Variants in CHD5 observed in about 807,000 individuals in gnomAD.
CHD5 encodes ATP-dependent chromatin remodeler CHD5.
CHD5 carries 69 observed loss-of-function variants against 230.3 expected under a neutral mutation model. The ratio of observed to expected loss-of-function variants is 0.30; its 90% CI spans 0.25 to 0.37. The LOEUF is 0.37. Ranked by LOEUF, CHD5 falls within the 10% of genes least tolerant of loss-of-function variation. The pLI, the probability that CHD5 is intolerant of heterozygous loss-of-function variation, is 1.00. For synonymous variants in CHD5, 1,064 were observed against 1,065.9 expected (o/e 1.00, Z 0.03); for missense variants, 1,827 against 2,622.8 (o/e 0.70, Z 6.63).
Position 6,146,371 on chromosome 1 carries a change from A to G in CHD5, c.1643T>C (p.Met548Thr). Residue 548 changes from methionine (M) to threonine (T), a missense_variant, in exon 11 of 42, where the codon ATG (methionine) becomes ACG (threonine). Around this residue, in one of 14 missense-constraint regions of CHD5, gnomAD observed 657 missense variants for 816.4 expected, o/e 0.80. Transcript: ENST00000262450. This position sits in a 1 kb window ranked among gnomAD's most constrained non-coding sequence, Gnocchi z 5.1. ...GTAGTCAAAGGGGGGCGGCTCATCC[A>G]TGTCGTTCTTTCTTTGGTAGTTGCG... The part of the protein sequence containing the change: ...MYRNYQRKND[M>T]DEPPPFDYGS... 6.2e-7 allele frequency: 1 copy of G among 1,614,070 alleles called. No individual in the cohort carries two copies. The highest frequency in any genetic ancestry group is 1.7e-4 in the Middle Eastern group (1 of 6,058).
chr1:6,165,893 C>T (rs1012432815), intron 2 of CHD5, among the ~76,000 whole-genome samples: 17 of 152,142 alleles, frequency 1.1e-4, no homozygotes, highest in Middle Eastern at 3.4e-3. Flanking sequence ...GGAGCTTCAC[C>T]CTCTTTGAGA....
chr1:6,131,586 C>A lies in CHD5; in HGVS notation c.3262+45G>T. 2 of 1,204,852 alleles carry A rather than the reference C, an allele frequency of 1.7e-6. No individual in the cohort carries two copies. Among genetic ancestry groups the A allele is most frequent in the Non-Finnish European group, 2.5e-6 (2 of 812,958 alleles). The allele number at this position is 1,204,852 out of a possible 1,614,324, so 74.6% of individuals were successfully genotyped here. A position where few individuals can be genotyped will look rare whatever the true frequency, so the allele number is the denominator to read the frequency against. ...TAAGAACCAGGCCTGGGAGAAGAGGCCAAAAAGGAGTCTCAATCAGAACCC... is the reference window on the plus strand; with the variant it reads ...TAAGAACCAGGCCTGGGAGAAGAGGACAAAAAGGAGTCTCAATCAGAACCC... On this transcript the variant is annotated intron_variant, in intron 21 of 41. Transcript: ENST00000262450. This position sits in a 1 kb window ranked among gnomAD's most constrained non-coding sequence, Gnocchi z 5.0.
chr1:6,149,432 G>C lies in CHD5; in HGVS notation c.995-20C>G, dbSNP rs1474501016. On this transcript the variant is annotated intron_variant, in intron 7 of 41. Coordinates refer to ENST00000262450, the MANE Select transcript of CHD5 (RefSeq NM_015557.3). ...CATCAACTAGGGTAGGGGAGAGGCA[G>C]TCATGGAAGTCCTCATCCACACTCC... 6.3e-7 allele frequency: 1 copy of C among 1,586,882 alleles called. No individual in the cohort carries two copies.
chr1:6,132,037 C>T (rs1666665661), intron 20 of CHD5, among the ~76,000 whole-genome samples: 1 of 152,200 alleles, frequency 6.6e-6, no homozygotes, highest in African/African-American at 2.4e-5. Context: ...CATCTCACTG[C>T]CCTGTATTCA....
chr1:6,106,953 AGGAGGGGT>A (rs1448427074), intron 38 of CHD5, among the ~76,000 whole-genome samples, 174 bp from the exon 39 acceptor site: 1 of 6,108 alleles, frequency 1.6e-4, no homozygotes. Flanking sequence ...GATGGAGGAG[AGGAGGGGT>A]GGAGGGGTGG....
Position 6,180,236 on chromosome 1 carries a change from C to T in CHD5, c.-213G>A, listed in dbSNP as rs1207309390. Reference sequence around the variant, plus strand: ...CGCCTTAGCCTGCTCCCCGCAAAGCCCGGGCGCTCCTCCCACCGCGCCCCG... The same window carrying T: ...CGCCTTAGCCTGCTCCCCGCAAAGCTCGGGCGCTCCTCCCACCGCGCCCCG... On this transcript the variant is annotated 5_prime_UTR_variant, in exon 1 of 42. Transcript: ENST00000262450. 5.6e-6 allele frequency: 1 copy of T among 179,974 alleles called. No homozygotes were observed. The highest frequency in any genetic ancestry group is 2.0e-4 in the South Asian group (1 of 4,934). The allele number at this position is 179,974 out of a possible 1,614,324, so 11.1% of individuals were successfully genotyped here. A position where few individuals can be genotyped will look rare whatever the true frequency, so the allele number is the denominator to read the frequency against.
At chr1:6,112,817 C>A in intron 34 of CHD5, 92 bp downstream of exon 34, 1 of 946,968 alleles carries the variant, frequency 1.1e-6, no homozygotes. Context: ...AAGGGGACGG[C>A]GCCTGGGAGA....
chr1:6,109,773 G>C, intron 38 of CHD5, 22 bp downstream of exon 38: 1 of 1,603,272 alleles, frequency 6.2e-7, no homozygotes, highest in Non-Finnish European at 8.5e-7. Flanking sequence ...GGGCTGCACC[G>C]TGGGGGGCAG....
intron 7 of CHD5, among the ~76,000 whole-genome samples, chr1:6,150,080 A>G (rs1377005697): frequency 1.3e-5 from 2 of 149,058 alleles, no homozygotes; most frequent in Non-Finnish European, 3.0e-5. Flanking sequence ...GGATGCATAG[A>G]TGGACAAATG....
At chr1:6,148,808 C>T (rs763228149) in intron 9 of CHD5, 46 bp downstream of exon 9, 74 of 1,304,638 alleles carry the variant, frequency 5.7e-5, no homozygotes, top group Non-Finnish European at 6.9e-5. Context: ...GGGCCTGTTC[C>T]TGGGGTGGGG....
Position 6,126,030 on chromosome 1 carries a change from C to T in CHD5, c.4079-172G>A, listed in dbSNP as rs538481240. ...TCATTTAGTAATCCCAACACCACCA[C>T]GTTATACACTAAGGGTACCATGTGT... On this transcript the variant is annotated intron_variant, in intron 26 of 41. Transcript: ENST00000262450. The surrounding 1 kb of genome is among the most constrained non-coding windows in gnomAD (Gnocchi z 5.7). Among the ~76,000 whole-genome samples, 3 of 152,224 alleles carry T rather than the reference C, an allele frequency of 2.0e-5. No individual in the cohort carries two copies. The highest frequency in any genetic ancestry group is 2.1e-4 in the South Asian group (1 of 4,826).
chr1:6,147,445 A>C (rs997254416), intron 9 of CHD5, among the ~76,000 whole-genome samples: 21 of 152,146 alleles, frequency 1.4e-4, no homozygotes, highest in African/African-American at 4.6e-4. Context: ...CCACAGACAC[A>C]CTGCAGGGGC....
Position 6,105,834 on chromosome 1 carries a change from G to A in CHD5, c.*46+400C>T, listed in dbSNP as rs1666154461. On this transcript the variant is annotated intron_variant, in intron 41 of 41. Transcript: ENST00000262450. This position sits in a 1 kb window ranked among gnomAD's most constrained non-coding sequence, Gnocchi z 4.8. ...ACCCTCCTGGTCCTGGGCAGGAAGTGAGGGTGTAAGACAAGATGTGATGTC... is the reference window on the plus strand; with the variant it reads ...ACCCTCCTGGTCCTGGGCAGGAAGTAAGGGTGTAAGACAAGATGTGATGTC... Among the ~76,000 whole-genome samples the A allele has an allele frequency of 6.6e-6, 1 of 152,274 alleles. No individual in the cohort carries two copies. The highest frequency in any genetic ancestry group is 2.4e-5 in the African/African-American group (1 of 41,472).
rs1206641374 is a variant in CHD5 at position 6,105,376 on chromosome 1, GTGGC to G, written c.*94_*97del. The G allele has an allele frequency of 2.1e-6, 1 of 470,500 alleles. No homozygotes were observed. Among genetic ancestry groups the G allele is most frequent in the Non-Finnish European group, 4.4e-6 (1 of 226,916 alleles). The allele number at this position is 470,500 out of a possible 1,614,324, so 29.1% of individuals were successfully genotyped here. A position where few individuals can be genotyped will look rare whatever the true frequency, so the allele number is the denominator to read the frequency against. ...CAAGGTGGCGCTGGCTCCTAAAAAGGTGGCAGCTTTTCTCTCCCATGTGGGTCGG... is the reference window on the plus strand; with the variant it reads ...CAAGGTGGCGCTGGCTCCTAAAAAGGAGCTTTTCTCTCCCATGTGGGTCGG... On this transcript the variant is annotated 3_prime_UTR_variant, in exon 42 of 42. Coordinates refer to ENST00000262450, the MANE Select transcript of CHD5 (RefSeq NM_015557.3). The surrounding 1 kb of genome is among the most constrained non-coding windows in gnomAD (Gnocchi z 4.8).
chr1:6,107,712 G>GGAGGAATAATA (rs143486384), intron 38 of CHD5, among the ~76,000 whole-genome samples: 1 of 146,330 alleles, frequency 6.8e-6, no homozygotes, highest in Non-Finnish European at 1.5e-5. Context: ...ATGGAGAGAT[G>GGAGGAATAATA]GAGGGATGAT....
chr1:6,135,097 A>C, intron 18 of CHD5, 133 bp downstream of exon 18: 5 of 1,108,734 alleles, frequency 4.5e-6, no homozygotes, highest in Non-Finnish European at 6.6e-6. Context: ...CCCCACGAAG[A>C]AAGTGTATGC....
In CHD5 at chr1:6,106,241, G is replaced by A; in HGVS notation, c.*39C>T. 1 of 1,612,458 alleles carries A rather than the reference G, an allele frequency of 6.2e-7. No homozygotes were observed. The highest frequency in any genetic ancestry group is 1.7e-4 in the Middle Eastern group (1 of 6,060). On this transcript the variant is annotated 3_prime_UTR_variant, in exon 41 of 42. Coordinates refer to ENST00000262450, the MANE Select transcript of CHD5 (RefSeq NM_015557.3). ...GCACCCAGCAGCCCTCACCTCAGCTGGAAATGAGCGCTGCAACACAGGGAA... is the reference window on the plus strand; with the variant it reads ...GCACCCAGCAGCCCTCACCTCAGCTAGAAATGAGCGCTGCAACACAGGGAA...
intron 2 of CHD5, among the ~76,000 whole-genome samples, chr1:6,162,386 CAA>C (rs542447738): frequency 7.2e-6 from 1 of 137,954 alleles, no homozygotes; most frequent in African/African-American, 2.7e-5. Flanking sequence ...AACTCCATCT[CAA>C]AAAAAAAAAG....
At position 6,146,634 on chromosome 1, in the gene CHD5, C is replaced by A; in HGVS notation, c.1590+31G>T. On this transcript the variant is annotated intron_variant, in intron 10 of 41. Transcript: ENST00000262450. This position sits in a 1 kb window ranked among gnomAD's most constrained non-coding sequence, Gnocchi z 5.1. The stretch of plus-strand genomic sequence containing the variant: ...GGTCCAGGGCTCACCAGGTCCCGGG[C>A]CTTAGCACAGCCACCCTCCCGGGCA... 1.9e-6 allele frequency: 3 copies of A among 1,608,402 alleles called. No homozygotes were observed. The highest frequency in any genetic ancestry group is 2.6e-6 in the Non-Finnish European group (3 of 1,175,194).
Sources: gnomAD v4.1 joint callset for allele counts (sites outside exome capture counted in the v4.1 genomes callset) on GRCh38, gnomAD v4.1.1 for gene constraint, gnomAD v4.1.1 regional missense constraint, Gnocchi (gnomAD v3.1) non-coding constraint, MANE v1.5 for transcripts, NCBI Gene and HGNC (gene_info 2026-07-23, HGNC 2026-07-21) for gene names.